The following PSG5 variants were observed in gnomAD, a reference collection of about 807,000 sequenced individuals.
The protein encoded by PSG5 is pregnancy-specific beta-1-glycoprotein 5.
Under a neutral mutation model 37.7 loss-of-function variants are expected in PSG5, and 53 were observed. That is an observed-to-expected ratio of 1.41 (90% CI 1.13 to 1.77). PSG5 has a LOEUF of 1.77. Ranked by LOEUF, PSG5 falls within the 40% of genes most tolerant of loss-of-function variation. The pLI is 0.00. For missense variants in PSG5, 547 were observed against 405.2 expected (o/e 1.35, Z -3.00); for synonymous variants, 221 against 155.4 (o/e 1.42, Z -3.14).
At chr19:43,168,716 A>G (rs1179269358) in intron 5 of PSG5, among the ~76,000 whole-genome samples, 3 of 151,792 alleles carry the variant, frequency 2.0e-5, no homozygotes, top group East Asian at 1.9e-4. Context: ...TTATTTAGAG[A>G]AGGTTTAGCC....
At chr19:43,173,048 T>C (rs895023348) in intron 4 of PSG5, among the ~76,000 whole-genome samples, 2 of 151,644 alleles carry the variant, frequency 1.3e-5, no homozygotes, top group Non-Finnish European at 2.9e-5. Context: ...TAATGAAATA[T>C]CATAGCCCAG....
intron 2 of PSG5, among the ~76,000 whole-genome samples, chr19:43,177,505 C>A (rs1158343132): frequency 6.6e-6 from 1 of 150,392 alleles, no homozygotes; most frequent in South Asian, 2.1e-4. Flanking sequence ...TATATTCCTG[C>A]CCTTTTTTTT....
intron 4 of PSG5, chr19:43,170,550 C>T (rs372753496): frequency 1.5e-5 from 6 of 404,960 alleles, no homozygotes; most frequent in East Asian, 6.8e-5. Flanking sequence ...GGCCCACGTC[C>T]GTGCATTTCA....
In PSG5 at chr19:43,174,639, C is replaced by G. The variant is rs1022811974; in HGVS notation, c.964+576G>C. On this transcript the variant is annotated intron_variant, in intron 4 of 5. Coordinates refer to ENST00000342951, the MANE Select transcript of PSG5 (RefSeq NM_002781.4). Reference sequence around the variant, plus strand: ...GCTTCAACTGGCAGCTCGATTTAGCCAAATTCAGGACAGGCCACCAGGACT... The same window carrying G: ...GCTTCAACTGGCAGCTCGATTTAGCGAAATTCAGGACAGGCCACCAGGACT... 8 of 979,376 alleles carry G rather than the reference C, an allele frequency of 8.2e-6. No individual in the cohort carries two copies. In the African/African-American group the frequency reaches 1.4e-4, roughly 17 times the overall value. 60.7% of individuals were successfully genotyped at this position (979,376 alleles called of 1,614,324 possible).
At chr19:43,182,705 A>ATTTTTTTTTTTTT (rs534568803) in intron 2 of PSG5, among the ~76,000 whole-genome samples, 3 of 58,474 alleles carry the variant, frequency 5.1e-5, no homozygotes, top group Non-Finnish European at 3.4e-5. Context: ...CATTTCAATA[A>ATTTTTTTTTTTTT]TTTTTTTTTT....
rs8107936 is a variant in PSG5, at chr19:43,186,354, G to C, written c.52C>G (p.Leu18Val). 1,005,339 of 1,609,354 alleles carry C rather than the reference G, an allele frequency of 0.62. 323,899 individuals carry two copies. The highest frequency in any genetic ancestry group is 0.98 in the East Asian group (43,902 of 44,844). The change falls in exon 1 of 6, where the codon CTC becomes GTC. Residue 18 changes from leucine to valine, a missense_variant. Leu to Val is a conservative substitution (Grantham distance 32). Coordinates refer to ENST00000342951, the MANE Select transcript of PSG5 (RefSeq NM_002781.4). Reference protein sequence around the residue: ...PCTQHITWKGLLLTASLLNFW... With the variant: ...PCTQHITWKGVLLTASLLNFW... ...GTTCTCTCCTCACCTGTGAGCAGGA[G>C]CCCCTTCCAGGTGATGTGCTGTGTG... is the stretch of plus-strand genomic sequence containing the variant.
chr19:43,174,539 A>C (rs758104762), intron 4 of PSG5: 21 of 860,822 alleles, frequency 2.4e-5, no homozygotes, highest in Non-Finnish European at 2.8e-5. Flanking sequence ...CTTCAGAGCC[A>C]GGACGCAACG....
At chr19:43,170,550 C>G in intron 4 of PSG5, 1 of 405,078 alleles carries the variant, frequency 2.5e-6, no homozygotes, top group South Asian at 2.2e-5. Flanking sequence ...GGCCCACGTC[C>G]GTGCATTTCA....
intron 2 of PSG5, among the ~76,000 whole-genome samples, chr19:43,182,834 G>C (rs1273400731): frequency 6.8e-6 from 1 of 146,958 alleles, no homozygotes; most frequent in Non-Finnish European, 1.5e-5. Flanking sequence ...AAAGAGCCCT[G>C]GATGGGAATA....
At chr19:43,183,382 G>A (rs1302248182) in intron 2 of PSG5, 1 of 523,792 alleles carries the variant, frequency 1.9e-6, no homozygotes, top group African/African-American at 1.9e-5. Flanking sequence ...AAGAGGTTTT[G>A]GATCATTCAT....
intron 2 of PSG5, among the ~76,000 whole-genome samples, chr19:43,176,391 T>C (rs879422671): frequency 8.6e-5 from 13 of 151,474 alleles, no homozygotes; most frequent in Non-Finnish European, 1.5e-4. Context: ...CAGTGTTGGG[T>C]CATGAACAGA....
chr19:43,177,005 CT>C (rs1414409919), intron 2 of PSG5, among the ~76,000 whole-genome samples: 53 of 151,820 alleles, frequency 3.5e-4, no homozygotes, highest in African/African-American at 1.2e-3. Context: ...GAATGAACTG[CT>C]GGAAATCTGG....
At chr19:43,181,559 C>T (rs7247859) in intron 2 of PSG5, among the ~76,000 whole-genome samples, 101,901 of 151,254 alleles carry the variant, frequency 0.67, 35,590 homozygotes, top group East Asian at 0.99. Flanking sequence ...CCTGGGCTCA[C>T]GGCATTCTCC....
chr19:43,174,828 A>G (rs560651849), intron 4 of PSG5: 44 of 1,173,552 alleles, frequency 3.7e-5, no homozygotes, highest in Non-Finnish European at 4.3e-5. Flanking sequence ...TCAGAGCCTC[A>G]GATGTTCCTT....
chr19:43,183,441 G>GTC (rs1969173424), intron 2 of PSG5: 1 of 529,516 alleles, frequency 1.9e-6, no homozygotes, highest in Non-Finnish European at 3.9e-6. Context: ...CTGAGTGTGT[G>GTC]TCTCTCGCTG....
intron 2 of PSG5, chr19:43,179,122 A>T (rs1184737728): frequency 6.2e-7 from 1 of 1,603,602 alleles, no homozygotes; most frequent in Non-Finnish European, 8.5e-7. Flanking sequence ...CTGGGGTTTA[A>T]GTTGCTACTG....
intron 3 of PSG5, 130 bp downstream of exon 3, chr19:43,175,740 T>C: frequency 1.3e-6 from 2 of 1,522,068 alleles, no homozygotes; most frequent in Non-Finnish European, 1.8e-6. Flanking sequence ...GGGCAGGGAG[T>C]CATGGCCAGC....
Position 43,176,149 on chromosome 19 carries a change from C to T in PSG5, c.431-1G>A. On this transcript the variant is annotated splice_acceptor_variant, in intron 2 of 5. Transcript: ENST00000342951. LOFTEE classifies it high-confidence loss of function. The stretch of plus-strand genomic sequence containing the variant: ...GTGATGTAGGGCTTGGGCAGCTTCA[C>T]TGTGTGGATAACAGAGAGAAGATTG... 2 of 1,611,212 alleles carry T rather than the reference C, an allele frequency of 1.2e-6. No homozygotes were observed. The highest frequency in any genetic ancestry group is 1.7e-6 in the Non-Finnish European group (2 of 1,179,030).
intron 5 of PSG5, among the ~76,000 whole-genome samples, chr19:43,169,549 G>A (rs893098161): frequency 2.0e-5 from 3 of 151,646 alleles, no homozygotes; most frequent in African/African-American, 4.9e-5. Context: ...TAGAGGTAAA[G>A]GAAGTGAGAA....
Sources: gnomAD v4.1 joint callset for allele counts (sites outside exome capture counted in the v4.1 genomes callset) on GRCh38, gnomAD v4.1.1 for gene constraint, MANE v1.5 for transcripts, NCBI Gene and HGNC (gene_info 2026-07-23, HGNC 2026-07-21) for gene names.